The following SYT7 variants were observed in gnomAD, a reference collection of about 807,000 sequenced individuals.
The protein encoded by SYT7 is synaptotagmin-7.
In SYT7, 29 loss-of-function variants were observed where a neutral mutation model predicts 75.1. That is an observed-to-expected ratio of 0.39 (90% CI 0.29 to 0.53). The LOEUF is 0.53. SYT7 is among the 20% of genes least tolerant of loss of function. SYT7 has a pLI of 0.77. For synonymous variants in SYT7, 376 were observed against 401.7 expected (o/e 0.94, Z 0.76); for missense variants, 693 against 953.2 (o/e 0.73, Z 3.59).
chr11:61,527,444 A>G (rs887991937), intron 9 of SYT7, among the ~76,000 whole-genome samples: 1 of 152,248 alleles, frequency 6.6e-6, no homozygotes, highest in African/African-American at 2.4e-5. Flanking sequence ...AAACCCAGGC[A>G]GCCTGGGCCA....
chr11:61,534,443 A>ATG (rs1453386409), intron 7 of SYT7, among the ~76,000 whole-genome samples: 7 of 30,480 alleles, frequency 2.3e-4, no homozygotes, highest in African/African-American at 9.6e-4. Context: ...ACGCACACGC[A>ATG]CGCACACACG....
At position 61,523,286 on chromosome 11, in the gene SYT7, A is replaced by G. The variant is rs1252521354; in HGVS notation, c.1757-12T>C. ...CTTCACGTAGGGGTCTAGGGGAGGGAGTGGGGAAGGGTTAGAGGGACCGTG... is the reference window on the plus strand; with the variant it reads ...CTTCACGTAGGGGTCTAGGGGAGGGGGTGGGGAAGGGTTAGAGGGACCGTG... On this transcript the variant is annotated splice_polypyrimidine_tract_variant and intron_variant, in intron 11 of 12. Coordinates refer to ENST00000539008, the MANE Select transcript of SYT7 (RefSeq NM_001365809.2). The surrounding 1 kb of genome is among the most constrained non-coding windows in gnomAD (Gnocchi z 5.0). The G allele has an allele frequency of 3.7e-6, 6 of 1,610,806 alleles. No homozygotes were observed. The highest frequency in any genetic ancestry group is 5.1e-6 in the Non-Finnish European group (6 of 1,177,970).
At position 61,517,665 on chromosome 11, in the gene SYT7, G is replaced by A. The variant is rs2062182267; in HGVS notation, c.*962C>T. ...GCTGGCGGGGGGTCTTTTGATGAAGGAGTTAGGGCAAAGCTAGTCGGGGCT... is the reference window on the plus strand; with the variant it reads ...GCTGGCGGGGGGTCTTTTGATGAAGAAGTTAGGGCAAAGCTAGTCGGGGCT... On this transcript the variant is annotated 3_prime_UTR_variant, in exon 13 of 13. Coordinates refer to ENST00000539008, the MANE Select transcript of SYT7 (RefSeq NM_001365809.2). 4 of 398,698 alleles carry A rather than the reference G, an allele frequency of 1.0e-5. No individual in the cohort carries two copies. The highest frequency in any genetic ancestry group is 1.8e-5 in the Non-Finnish European group (4 of 226,264). The allele number at this position is 398,698 out of a possible 1,614,324, so 24.7% of individuals were successfully genotyped here. A position where few individuals can be genotyped will look rare whatever the true frequency, so the allele number is the denominator to read the frequency against.
chr11:61,549,848 C>T (rs2063297349), intron 3 of SYT7, among the ~76,000 whole-genome samples: 1 of 152,232 alleles, frequency 6.6e-6, no homozygotes, highest in African/African-American at 2.4e-5. Context: ...TGCTGCCCGC[C>T]CTCCCCCTGG....
At position 61,546,952 on chromosome 11, in the gene SYT7, C is replaced by T. The variant is rs1482902159; in HGVS notation, c.347+225G>A. ...GAGGGGGCTCTCCTGCAAGGCTGGC[C>T]CTGGGGGAGGGGACGGGAGCGGGCA... On this transcript the variant is annotated intron_variant, in intron 4 of 12. Coordinates refer to ENST00000539008, the MANE Select transcript of SYT7 (RefSeq NM_001365809.2). The surrounding 1 kb of genome is among the most constrained non-coding windows in gnomAD (Gnocchi z 7.6). Among the ~76,000 whole-genome samples, 3 of 152,014 alleles carry T rather than the reference C, an allele frequency of 2.0e-5. No individual in the cohort carries two copies. The East Asian group carries it at 5.9e-4, about 30-fold the overall frequency.
chr11:61,573,322 GC>G (rs1489249485), intron 1 of SYT7, among the ~76,000 whole-genome samples: 1 of 152,192 alleles, frequency 6.6e-6, no homozygotes, highest in Non-Finnish European at 1.5e-5. Flanking sequence ...CACCTGGGAA[GC>G]CCCCTCAGGG....
intron 8 of SYT7, among the ~76,000 whole-genome samples, chr11:61,530,141 A>G (rs1004121515): frequency 6.6e-6 from 1 of 152,212 alleles, no homozygotes; most frequent in Admixed American, 6.5e-5. Context: ...ACTTGCCTCA[A>G]GTCACCTGCG....
At chr11:61,547,668 G>C (rs529440480) in intron 3 of SYT7, among the ~76,000 whole-genome samples, 3 of 152,148 alleles carry the variant, frequency 2.0e-5, no homozygotes, top group Non-Finnish European at 4.4e-5. Flanking sequence ...GAGGGGAGAA[G>C]GGTTGGGGAT....
At chr11:61,520,886 A>G (rs1398241421) in intron 12 of SYT7, among the ~76,000 whole-genome samples, 1 of 152,220 alleles carries the variant, frequency 6.6e-6, no homozygotes, top group East Asian at 1.9e-4. Context: ...TCTGTAACAC[A>G]TGGTGGAACT....
At position 61,545,121 on chromosome 11, in the gene SYT7, G is replaced by C. The variant is rs142021557; in HGVS notation, c.572+910C>G. 3.3e-3 allele frequency among the ~76,000 whole-genome samples: 506 copies of C among 152,352 alleles called. 1 individual carries two copies. The highest frequency in any genetic ancestry group is 7.5e-3 in the Admixed American group (115 of 15,306). Reference sequence around the variant, plus strand: ...TCAGGGCCTAGAAGGGCTCTGATGAGGGGAATCAGAAGTTTCCAAAGGCCA... The same window carrying C: ...TCAGGGCCTAGAAGGGCTCTGATGACGGGAATCAGAAGTTTCCAAAGGCCA... On this transcript the variant is annotated intron_variant, in intron 5 of 12. Transcript: ENST00000539008.
rs1289812343 is a variant in SYT7, at chr11:61,553,080, C to T, written c.136-1617G>A. Among the ~76,000 whole-genome samples the T allele has an allele frequency of 2.0e-5, 3 of 152,106 alleles. No homozygotes were observed. The highest frequency in any genetic ancestry group is 4.4e-5 in the Non-Finnish European group (3 of 68,016). On this transcript the variant is annotated intron_variant, in intron 2 of 12. Transcript: ENST00000539008. This position sits in a 1 kb window ranked among gnomAD's most constrained non-coding sequence, Gnocchi z 5.2. ...CTGGAGTCTGGGCCCCCAGCAGCGACCTCTAAGTCAGAACTTTAAGAGTTG... is the reference window on the plus strand; with the variant it reads ...CTGGAGTCTGGGCCCCCAGCAGCGATCTCTAAGTCAGAACTTTAAGAGTTG...
At chr11:61,581,111 GTA>G (rs1027691424), upstream of SYT7, 46 of 216,572 alleles carry the variant, frequency 2.1e-4, no homozygotes, top group Non-Finnish European at 3.1e-4. Context: ...GAGGCCGTGT[GTA>G]TGTGTGTGTG....
chr11:61,554,877 C>T (rs2063451623), intron 2 of SYT7, among the ~76,000 whole-genome samples: 1 of 152,174 alleles, frequency 6.6e-6, no homozygotes, highest in South Asian at 2.1e-4. Context: ...CTGGCCTCCA[C>T]TATGGCTCCT....
intron 9 of SYT7, chr11:61,525,601 T>G (rs927490329): frequency 6.6e-6 from 1 of 152,052 alleles, no homozygotes; most frequent in Non-Finnish European, 1.5e-5. Flanking sequence ...CCGCAAAACA[T>G]AACACACGCG....
In SYT7 at chr11:61,522,965, A is replaced by G. The variant is rs57618408; in HGVS notation, c.1956+110T>C. 12,043 of 1,103,006 alleles carry G rather than the reference A, an allele frequency of 0.011. 825 individuals are homozygous for G. In the African/African-American group the frequency reaches 0.16, roughly 15 times the overall value. The allele number at this position is 1,103,006 out of a possible 1,614,324, so 68.3% of individuals were successfully genotyped here. On this transcript the variant is annotated intron_variant, in intron 12 of 12. Transcript: ENST00000539008. ...CTGAGAGGAGAGGAGACTGATCCCA[A>G]TCTCTCCTGGTGTCCAGCCTGTGCC...
rs557774837 is a variant in SYT7, at chr11:61,571,121, G to A, written c.31+9669C>T. On this transcript the variant is annotated intron_variant, in intron 1 of 12. Coordinates refer to ENST00000539008, the MANE Select transcript of SYT7 (RefSeq NM_001365809.2). ...TGAGCCTCATTACTTTTGATCCAGA[G>A]CCCCTGTGCCCTGGCCACCACTCTG... Among the ~76,000 whole-genome samples, 3 of 152,288 alleles carry A rather than the reference G, an allele frequency of 2.0e-5. No homozygotes were observed. In the South Asian group the frequency reaches 6.2e-4, roughly 32 times the overall value.
Position 61,546,837 on chromosome 11 carries a change from G to T in SYT7, c.347+340C>A, listed in dbSNP as rs889678325. ...GGAGGAAGAAGCGACCACAACCGAGGGGGCGGGACCCAAACGGGCAACCCC... is the reference window on the plus strand; with the variant it reads ...GGAGGAAGAAGCGACCACAACCGAGTGGGCGGGACCCAAACGGGCAACCCC... On this transcript the variant is annotated intron_variant, in intron 4 of 12. Coordinates refer to ENST00000539008, the MANE Select transcript of SYT7 (RefSeq NM_001365809.2). The surrounding 1 kb of genome is among the most constrained non-coding windows in gnomAD (Gnocchi z 7.6). 5.9e-5 allele frequency among the ~76,000 whole-genome samples: 9 copies of T among 152,092 alleles called. No homozygotes were observed. Among genetic ancestry groups the T allele is most frequent in the Admixed American group, 2.0e-4 (3 of 15,268 alleles).
Position 61,517,153 on chromosome 11 carries a change from G to C in SYT7, c.*1474C>G. On this transcript the variant is annotated 3_prime_UTR_variant, in exon 13 of 13. Transcript: ENST00000539008. ...TCAGGCCCAGGCTCGTGGACCCCCA[G>C]GATTGGAGGCTTTGTCACCAGCTGG... The C allele has an allele frequency of 2.5e-6, 1 of 397,916 alleles. No individual in the cohort carries two copies. Among genetic ancestry groups the C allele is most frequent in the Non-Finnish European group, 4.4e-6 (1 of 225,906 alleles). The allele number at this position is 397,916 out of a possible 1,614,324, so 24.6% of individuals were successfully genotyped here.
Position 61,542,502 on chromosome 11 carries a change from C to T in SYT7, c.650G>A (p.Arg217Gln). 18 of 1,532,238 alleles carry T rather than the reference C, an allele frequency of 1.2e-5. No individual in the cohort carries two copies. The highest frequency in any genetic ancestry group is 1.6e-5 in the Non-Finnish European group (18 of 1,145,538). 94.9% of individuals were successfully genotyped at this position (1,532,238 alleles called of 1,614,324 possible). The change falls in exon 6 of 13, where the codon CGA becomes CAA. Residue 217 changes from arginine to glutamine, a missense_variant. By Grantham distance (43) the Arg-to-Gln change is conservative. Transcript: ENST00000539008. This position sits in a 1 kb window ranked among gnomAD's most constrained non-coding sequence, Gnocchi z 7.8. ...CTGCTGCCGCATCAGGGTGCGGGGT[C>T]GCTGGCATTTCGGCTCTCCCGTGGA... The part of the protein sequence containing the change: ...PSSTGEPKCQ[R>Q]PRTLMRQQSL...
Sources: gnomAD v4.1 joint callset for allele counts (sites outside exome capture counted in the v4.1 genomes callset) on GRCh38, gnomAD v4.1.1 for gene constraint, Gnocchi (gnomAD v3.1) non-coding constraint, MANE v1.5 for transcripts, NCBI Gene and HGNC (gene_info 2026-07-23, HGNC 2026-07-21) for gene names.